PCSK5: variants seen among roughly 807,000 people sequenced by gnomAD.
PCSK5 encodes prohormone convertase 5.
In PCSK5, 129 loss-of-function variants were observed where a neutral mutation model predicts 233.2. The ratio of observed to expected loss-of-function variants is 0.55; its 90% CI spans 0.48 to 0.64. The LOEUF (loss-of-function observed/expected upper bound fraction) is 0.64, where lower values mean the gene tolerates loss of function less well. Among genes scored for constraint, PCSK5 ranks in the 30% least tolerant of loss-of-function variants. The probability of loss-of-function intolerance (pLI) is 0.00; values close to 1 mark genes in which losing one functional copy is unlikely to be tolerated. For missense variants in PCSK5, 2,076 were observed against 2,430.1 expected, an observed-to-expected ratio of 0.85 and a Z score of 3.06; for synonymous variants, 825 against 879.2, an observed-to-expected ratio of 0.94 and a Z score of 1.09.
intron 2 of PCSK5, among the ~76,000 whole-genome samples, chr9:75,980,686 TG>T (rs1826234960): frequency 6.6e-6 from 1 of 151,938 alleles, no homozygotes; most frequent in South Asian, 2.1e-4. Context: ...AGTTGCTAGA[TG>T]GAACACAATG....
intron 5 of PCSK5, among the ~76,000 whole-genome samples, chr9:76,055,765 A>G (rs1444303400): frequency 6.6e-6 from 1 of 152,174 alleles, no homozygotes; most frequent in African/African-American, 2.4e-5. Context: ...TCATTATACA[A>G]GGAGCTAGGA....
At chr9:75,923,899 C>G (rs1440277369) in intron 1 of PCSK5, among the ~76,000 whole-genome samples, 1 of 152,166 alleles carries the variant, frequency 6.6e-6, no homozygotes, top group Non-Finnish European at 1.5e-5. Flanking sequence ...ATTTTCAAAT[C>G]TTTCTCCAAT....
chr9:75,988,201 A>G (rs570057931), intron 3 of PCSK5, among the ~76,000 whole-genome samples: 75 of 152,310 alleles, frequency 4.9e-4, no homozygotes, highest in Non-Finnish European at 8.5e-4. Flanking sequence ...ATTTGATGAT[A>G]ATATTACAAA....
At position 76,100,193 on chromosome 9, in the gene PCSK5, C is replaced by T. The variant is rs560750602; in HGVS notation, c.1107+4091C>T. 5.1e-4 allele frequency among the ~76,000 whole-genome samples: 77 copies of T among 152,118 alleles called. 1 individual carries two copies. Among genetic ancestry groups the T allele is most frequent in the African/African-American group, 1.5e-3 (61 of 41,496 alleles). ...TTATATCTTATTACAGCAAAGGAAG[C>T]GTTCAAAGTATAAAGATTACTATGA... On this transcript the variant is annotated intron_variant, in intron 8 of 37. Transcript: ENST00000674117.
chr9:76,040,377 C>CTG (rs1563988613), intron 5 of PCSK5, among the ~76,000 whole-genome samples: 2,170 of 59,550 alleles, frequency 0.036, 53 homozygotes, highest in East Asian at 0.078. Context: ...CTCTCTCTCT[C>CTG]TCTCTCTGTC....
At chr9:76,122,357 CT>C (rs2131718394) in intron 9 of PCSK5, among the ~76,000 whole-genome samples, 1 of 151,872 alleles carries the variant, frequency 6.6e-6, no homozygotes, top group East Asian at 1.9e-4. Flanking sequence ...ATTAATAAAA[CT>C]TTTTAAAGAT....
At chr9:76,341,108 C>T (rs906035461) in intron 35 of PCSK5, among the ~76,000 whole-genome samples, 2 of 151,580 alleles carry the variant, frequency 1.3e-5, no homozygotes, top group African/African-American at 2.4e-5. Context: ...AACAGTAATC[C>T]CAGCTACTCA....
intron 2 of PCSK5, among the ~76,000 whole-genome samples, chr9:75,961,967 C>G (rs1825373520): frequency 6.6e-6 from 1 of 152,198 alleles, no homozygotes; most frequent in South Asian, 2.1e-4. Flanking sequence ...CTGTGCTCAC[C>G]ATGGGCAGTA....
intron 2 of PCSK5, among the ~76,000 whole-genome samples, chr9:75,972,289 G>GTA (rs1825843761): frequency 6.6e-6 from 1 of 152,182 alleles, no homozygotes. Context: ...TAGCCTTGTA[G>GTA]TATAGTTTGA....
chr9:75,901,676 C>T lies in PCSK5; in HGVS notation c.192+10303C>T, dbSNP rs77468111. Reference sequence around the variant, plus strand: ...GACCACCTGTGGCAAGTTGGAGCAGCGGGAACTGGAGGAAATGGATGTCTG... The same window carrying T: ...GACCACCTGTGGCAAGTTGGAGCAGTGGGAACTGGAGGAAATGGATGTCTG... On this transcript the variant is annotated intron_variant, in intron 1 of 37. Transcript: ENST00000674117. Among the ~76,000 whole-genome samples the T allele has an allele frequency of 1.1e-3, 162 of 150,786 alleles. 4 individuals carry two copies. In the East Asian group the frequency reaches 0.026, roughly 24 times the overall value.
intron 12 of PCSK5, among the ~76,000 whole-genome samples, chr9:76,163,762 C>T (rs1822968556): frequency 6.6e-6 from 1 of 151,962 alleles, no homozygotes; most frequent in South Asian, 2.1e-4. Flanking sequence ...TATACTATGA[C>T]ACATTCAAAG....
At chr9:76,064,277 A>G (rs7047852) in intron 5 of PCSK5, among the ~76,000 whole-genome samples, 34,242 of 57,902 alleles carry the variant, frequency 0.59, 10,226 homozygotes, top group African/African-American at 0.72. Context: ...TGGCCGGGCT[A>G]AGGGGCTCCT....
At chr9:76,159,508 C>T (rs747069619) in intron 12 of PCSK5, among the ~76,000 whole-genome samples, 1 of 152,190 alleles carries the variant, frequency 6.6e-6, no homozygotes. Flanking sequence ...TCATTCGTTA[C>T]AGATTAACCG....
intron 31 of PCSK5, 35 bp from the exon 32 acceptor site, chr9:76,323,017 C>T (rs779981095): frequency 2.5e-6 from 3 of 1,208,384 alleles, no homozygotes; most frequent in East Asian, 2.5e-5. Context: ...TCTCCTACCC[C>T]CCGGGGATAA....
intron 22 of PCSK5, among the ~76,000 whole-genome samples, chr9:76,234,621 T>A (rs1826194504): frequency 6.6e-6 from 1 of 152,214 alleles, no homozygotes; most frequent in Non-Finnish European, 1.5e-5. Context: ...ATCTGTCATA[T>A]TTTACTTCTA....
At position 76,227,589 on chromosome 9, in the gene PCSK5, A is replaced by G; in HGVS notation, c.2713A>G (p.Thr905Ala). The G allele has an allele frequency of 6.2e-7, 1 of 1,609,130 alleles. No homozygotes were observed. Among genetic ancestry groups the G allele is most frequent in the Non-Finnish European group, 8.5e-7 (1 of 1,177,458 alleles). The change falls in exon 21 of 38, where the codon ACC becomes GCC. Residue 905 changes from threonine (T) to alanine (A), a missense_variant. Coordinates refer to ENST00000674117, the MANE Select transcript of PCSK5 (RefSeq NM_001372043.1). ...GGGACCAACCCAGGAAGACTGCACT[A>G]CCTGCCCCATGACAAGGTAAGTGGC... is the stretch of plus-strand genomic sequence containing the variant. Reference protein sequence around the residue: ...CQGPTQEDCTTCPMTRIFDDG... With the variant: ...CQGPTQEDCTACPMTRIFDDG...
intron 22 of PCSK5, among the ~76,000 whole-genome samples, chr9:76,237,768 C>G (rs888293279): frequency 6.6e-6 from 1 of 151,934 alleles, no homozygotes; most frequent in African/African-American, 2.4e-5. Context: ...GAGTGAGACC[C>G]TGTCTCAAAA....
chr9:76,124,688 G>A (rs949871763), intron 9 of PCSK5, among the ~76,000 whole-genome samples: 1 of 145,128 alleles, frequency 6.9e-6, no homozygotes, highest in South Asian at 2.2e-4. Flanking sequence ...AGAGGTTGCA[G>A]TGAGCCAAGA....
At chr9:76,296,088 T>G (rs551019149) in intron 26 of PCSK5, among the ~76,000 whole-genome samples, 1 of 152,292 alleles carries the variant, frequency 6.6e-6, no homozygotes, top group East Asian at 1.9e-4. Flanking sequence ...GGTAAAGTGT[T>G]GGATTTTTTT....
Sources: gnomAD v4.1 joint callset for allele counts (sites outside exome capture counted in the v4.1 genomes callset) on GRCh38, gnomAD v4.1.1 for gene constraint, MANE v1.5 for transcripts, NCBI Gene and HGNC (gene_info 2026-07-23, HGNC 2026-07-21) for gene names.